SCNN1B: variants seen among roughly 807,000 people sequenced by gnomAD.
SCNN1B encodes sodium channel epithelial 1 subunit beta.
A neutral mutation model predicts 65.3 loss-of-function variants in SCNN1B; 46 were observed. That is an observed-to-expected ratio of 0.70 (90% CI 0.56 to 0.90). The LOEUF is 0.90. SCNN1B is among the 40% of genes least tolerant of loss of function. The pLI, the probability that SCNN1B is intolerant of heterozygous loss-of-function variation, is 0.00. For missense variants in SCNN1B, 751 were observed against 830.5 expected (o/e 0.90, Z 1.18); for synonymous variants, 349 against 330.6 (o/e 1.06, Z -0.60).
At chr16:23,364,419 A>G (rs945624700) in intron 4 of SCNN1B, among the ~76,000 whole-genome samples, 1 of 152,208 alleles carries the variant, frequency 6.6e-6, no homozygotes, top group Non-Finnish European at 1.5e-5. Flanking sequence ...GCTTGGAAAC[A>G]TCTAGAGTGT....
chr16:23,335,727 G>T (rs1961924132), intron 1 of SCNN1B, among the ~76,000 whole-genome samples: 1 of 151,476 alleles, frequency 6.6e-6, no homozygotes, highest in Non-Finnish European at 1.5e-5. Flanking sequence ...GATTATAGGT[G>T]TGAGCCACTG....
chr16:23,363,401 G>A (rs73544462), intron 4 of SCNN1B, among the ~76,000 whole-genome samples: 6,361 of 152,296 alleles, frequency 0.042, 444 homozygotes, highest in African/African-American at 0.15. Context: ...AAGCAGGCTG[G>A]CTCTGTGGCC....
chr16:23,292,196 A>ATTT (rs59582200), intron 2 of SCNN1B, among the ~76,000 whole-genome samples: 1 of 133,286 alleles, frequency 7.5e-6, no homozygotes, highest in African/African-American at 2.7e-5. Context: ...TTCTTTCTTT[A>ATTT]TTTTTTTTTT....
chr16:23,340,405 TG>T (rs1269981557), intron 1 of SCNN1B, among the ~76,000 whole-genome samples: 1 of 152,216 alleles, frequency 6.6e-6, no homozygotes, highest in Non-Finnish European at 1.5e-5. Flanking sequence ...TTCTTCTGGG[TG>T]TTTTATAGTT....
intron 1 of SCNN1B, among the ~76,000 whole-genome samples, chr16:23,332,728 G>T (rs1490492628): frequency 6.6e-6 from 1 of 152,290 alleles, no homozygotes; most frequent in South Asian, 2.1e-4. Context: ...CATCCTAGTG[G>T]AGTGACCCCA....
rs371236948 is a variant in SCNN1B, at chr16:23,362,051, A to G, written c.777-5805A>G. 3.9e-5 allele frequency among the ~76,000 whole-genome samples: 6 copies of G among 152,254 alleles called. No individual in the cohort carries two copies. The East Asian group carries it at 9.7e-4, about 25-fold the overall frequency. On this transcript the variant is annotated intron_variant, in intron 4 of 12. Transcript: ENST00000343070. ...TTTAAATTGAAGAATGGTATTTAGA[A>G]ACCAAGATCTGGGCCAAGCATGGTG...
At position 23,348,491 on chromosome 16, in the gene SCNN1B, G is replaced by T. The variant is rs1275177413; in HGVS notation, c.-8-101G>T. 1.9e-6 allele frequency: 2 copies of T among 1,041,516 alleles called. No homozygotes were observed. The allele number at this position is 1,041,516 out of a possible 1,614,324, so 64.5% of individuals were successfully genotyped here. A position where few individuals can be genotyped will look rare whatever the true frequency, so the allele number is the denominator to read the frequency against. ...AGGGGGGAGGGTAAAGAGGGAGGAA[G>T]AACGGGGACGTACCGCCGCCCAGTT... On this transcript the variant is annotated intron_variant, in intron 1 of 12. Transcript: ENST00000343070. This position sits in a 1 kb window ranked among gnomAD's most constrained non-coding sequence, Gnocchi z 4.5.
At chr16:23,292,932 C>T (rs1442405426) in intron 2 of SCNN1B, among the ~76,000 whole-genome samples, 9 of 150,966 alleles carry the variant, frequency 6.0e-5, no homozygotes, top group African/African-American at 1.7e-4. Context: ...CCAGCTAACA[C>T]GGTGAAACCC....
At chr16:23,311,816 G>A (rs74012873) in intron 1 of SCNN1B, among the ~76,000 whole-genome samples, 9,628 of 152,170 alleles carry the variant, frequency 0.063, 1,032 homozygotes, top group African/African-American at 0.22. Context: ...CTCATTAATG[G>A]GGCCAGGAGG....
chr16:23,368,158 T>C lies in SCNN1B; in HGVS notation c.880+199T>C, dbSNP rs239350. Among the ~76,000 whole-genome samples the C allele has an allele frequency of 0.92, 140,744 of 152,260 alleles. 65,145 individuals carry two copies. The highest frequency in any genetic ancestry group is 0.96 in the African/African-American group (39,963 of 41,552). On this transcript the variant is annotated intron_variant, in intron 5 of 12. Transcript: ENST00000343070. ...TCCTCAGCCATTCCCGCCCACAATGTTCAGAATCCGTGGGGTAGCAACTGG... is the reference window on the plus strand; with the variant it reads ...TCCTCAGCCATTCCCGCCCACAATGCTCAGAATCCGTGGGGTAGCAACTGG...
chr16:23,326,698 C>A (rs1330277444), intron 1 of SCNN1B, among the ~76,000 whole-genome samples: 1 of 152,070 alleles, frequency 6.6e-6, no homozygotes, highest in Non-Finnish European at 1.5e-5. Context: ...AAACTCCTGG[C>A]CTCAAGTGAT....
intron 1 of SCNN1B, among the ~76,000 whole-genome samples, chr16:23,329,136 G>A (rs1425125411): frequency 1.3e-5 from 2 of 150,344 alleles, no homozygotes; most frequent in Non-Finnish European, 3.0e-5. Flanking sequence ...ATTAGAGACA[G>A]GGTCTCGCTC....
rs1962225989 is a variant in SCNN1B, at chr16:23,348,123, G to A, written c.-8-469G>A. 6.6e-6 allele frequency among the ~76,000 whole-genome samples: 1 copy of A among 152,080 alleles called. No individual in the cohort carries two copies. The highest frequency in any genetic ancestry group is 2.1e-4 in the South Asian group (1 of 4,812). On this transcript the variant is annotated intron_variant, in intron 1 of 12. Coordinates refer to ENST00000343070, the MANE Select transcript of SCNN1B (RefSeq NM_000336.3). The surrounding 1 kb of genome is among the most constrained non-coding windows in gnomAD (Gnocchi z 4.5). ...TGCAGACACATCATGGGGAGGACAT[G>A]TAAACTCCATATAGACAGTGGCCCT...
chr16:23,303,670 C>A (rs538025803), intron 1 of SCNN1B, among the ~76,000 whole-genome samples: 2 of 151,878 alleles, frequency 1.3e-5, no homozygotes, highest in African/African-American at 2.4e-5. Flanking sequence ...ATGATGCAAC[C>A]CTTGGGAGGC....
chr16:23,340,588 T>C (rs1962035191), intron 1 of SCNN1B, among the ~76,000 whole-genome samples: 1 of 152,132 alleles, frequency 6.6e-6, no homozygotes, highest in Admixed American at 6.6e-5. Context: ...TAGAGACAGG[T>C]TGTCACTGTG....
Position 23,380,361 on chromosome 16 carries a change from G to C in SCNN1B, c.1543-60G>C. 6.2e-7 allele frequency: 1 copy of C among 1,612,732 alleles called. No individual in the cohort carries two copies. The highest frequency in any genetic ancestry group is 1.1e-5 in the South Asian group (1 of 91,024). On this transcript the variant is annotated intron_variant, in intron 12 of 12. Transcript: ENST00000343070. This position sits in a 1 kb window ranked among gnomAD's most constrained non-coding sequence, Gnocchi z 5.4. ...AGAATCACCTCCCAGGAAGCTGTGA[G>C]GCTGGGCTAGAGGCAAGAATGTGTG... is the stretch of plus-strand genomic sequence containing the variant.
At chr16:23,366,641 G>A (rs1424687534) in intron 4 of SCNN1B, among the ~76,000 whole-genome samples, 2 of 151,994 alleles carry the variant, frequency 1.3e-5, no homozygotes, top group African/African-American at 2.4e-5. Flanking sequence ...GGCTGAGGCA[G>A]GAGAATCGCT....
chr16:23,280,464 C>T (rs1213154738), intron 1 of SCNN1B, among the ~76,000 whole-genome samples: 1 of 152,158 alleles, frequency 6.6e-6, no homozygotes, highest in Non-Finnish European at 1.5e-5. Flanking sequence ...AGCAATCCAC[C>T]TGCCTTGGCC....
intron 10 of SCNN1B, 40 bp from the exon 11 acceptor site, chr16:23,378,666 T>C: frequency 6.2e-7 from 1 of 1,602,450 alleles, no homozygotes; most frequent in South Asian, 1.1e-5. Flanking sequence ...GGAGGGATGC[T>C]GCAGATGGCA....
Sources: allele counts gnomAD v4.1 joint callset (sites outside exome capture counted in the v4.1 genomes callset), GRCh38; gene constraint gnomAD v4.1.1; non-coding constraint Gnocchi (gnomAD v3.1); transcripts MANE v1.5; gene names NCBI Gene and HGNC (gene_info 2026-07-23, HGNC 2026-07-21).